The following TMCC3 variants were observed in gnomAD, a reference collection of about 807,000 sequenced individuals.
The protein encoded by TMCC3 is transmembrane and coiled-coil domain family 3, also known as transmembrane and coiled-coil domain protein 3.
Under a neutral mutation model 40.2 loss-of-function variants are expected in TMCC3, and 28 were observed. The observed-to-expected ratio is 0.70, with a 90% CI of 0.52 to 0.95. The LOEUF (loss-of-function observed/expected upper bound fraction) is 0.95, where lower values mean the gene tolerates loss of function less well. Among genes scored for constraint, TMCC3 ranks in the 40% least tolerant of loss-of-function variants. The pLI, the probability that TMCC3 is intolerant of heterozygous loss-of-function variation, is 0.00. For missense variants in TMCC3, 554 were observed against 615.2 expected (o/e 0.90, Z 1.05); for synonymous variants, 255 against 248.5 (o/e 1.03, Z -0.25).
At chr12:94,631,303 A>T (rs985662818) in intron 1 of TMCC3, among the ~76,000 whole-genome samples, 1 of 152,136 alleles carries the variant, frequency 6.6e-6, no homozygotes, top group African/African-American at 2.4e-5. Flanking sequence ...TACTCTTAAA[A>T]ATTCATACTG....
At chr12:94,594,571 G>C (rs1429686812) in intron 1 of TMCC3, among the ~76,000 whole-genome samples, 1 of 152,156 alleles carries the variant, frequency 6.6e-6, no homozygotes, top group Non-Finnish European at 1.5e-5. Context: ...GTTTCTGGCA[G>C]TGTCTGTCAG....
At chr12:94,590,358 C>T (rs558613036) in intron 1 of TMCC3, among the ~76,000 whole-genome samples, 1 of 145,660 alleles carries the variant, frequency 6.9e-6, no homozygotes, top group African/African-American at 2.5e-5. Context: ...CACTTTGTTC[C>T]ATATTCTAAA....
At chr12:94,632,056 G>C (rs575816598) in intron 1 of TMCC3, among the ~76,000 whole-genome samples, 4 of 152,332 alleles carry the variant, frequency 2.6e-5, no homozygotes, top group Admixed American at 2.0e-4. Context: ...ACTCAAAAAG[G>C]CTGCGTATCA....
intron 1 of TMCC3, among the ~76,000 whole-genome samples, chr12:94,593,503 T>C (rs1423069821): frequency 6.6e-6 from 1 of 150,846 alleles, no homozygotes; most frequent in Non-Finnish European, 1.5e-5. Context: ...GCTGGTAAAG[T>C]AAAATCTCGT....
intron 2 of TMCC3, among the ~76,000 whole-genome samples, chr12:94,580,990 C>A (rs527448669): frequency 9.2e-5 from 14 of 152,282 alleles, no homozygotes; most frequent in Admixed American, 5.2e-4. Context: ...CTCTAATTGT[C>A]AGCTAAAAGC....
At position 94,571,850 on chromosome 12, in the gene TMCC3, G is replaced by A. The variant is rs529876893; in HGVS notation, c.1132-113C>T. 49 of 1,085,918 alleles carry A rather than the reference G, an allele frequency of 4.5e-5. No individual in the cohort carries two copies. The Admixed American group carries it at 5.9e-4, about 13-fold the overall frequency. The allele number at this position is 1,085,918 out of a possible 1,614,324, so 67.3% of individuals were successfully genotyped here. On this transcript the variant is annotated intron_variant, in intron 3 of 3. Coordinates refer to ENST00000261226, the MANE Select transcript of TMCC3 (RefSeq NM_020698.4). ...AGCTCAGAAAGCCCAATGCCCAGGC[G>A]GCTGCAAATCCCCAAACCGATGATG... is the stretch of plus-strand genomic sequence containing the variant.
At chr12:94,610,061 A>G (rs938768581) in intron 1 of TMCC3, 2 of 152,210 alleles carry the variant, frequency 1.3e-5, no homozygotes, top group Middle Eastern at 3.2e-3. Context: ...AAAGGGAAGG[A>G]AAAGAGTGTT....
intron 1 of TMCC3, among the ~76,000 whole-genome samples, chr12:94,645,194 A>G (rs542949497): frequency 6.6e-6 from 1 of 152,370 alleles, no homozygotes; most frequent in East Asian, 1.9e-4. Context: ...TCTTGCTCTC[A>G]AAGTGCCAAT....
intron 2 of TMCC3, among the ~76,000 whole-genome samples, chr12:94,581,040 T>C (rs1005738508): frequency 3.3e-5 from 5 of 152,234 alleles, no homozygotes; most frequent in Non-Finnish European, 5.9e-5. Context: ...ATGGAAATTA[T>C]TGGGTATCCC....
intron 1 of TMCC3, among the ~76,000 whole-genome samples, chr12:94,621,859 C>T (rs1288478259): frequency 6.6e-6 from 1 of 152,168 alleles, no homozygotes. Context: ...TTAATAAAGC[C>T]TGAACCCAGG....
chr12:94,604,375 C>T (rs2068769927), intron 1 of TMCC3, among the ~76,000 whole-genome samples: 1 of 152,096 alleles, frequency 6.6e-6, no homozygotes, highest in Non-Finnish European at 1.5e-5. Context: ...CCCTAAAATA[C>T]AGAATTGCTA....
intron 1 of TMCC3, among the ~76,000 whole-genome samples, chr12:94,621,511 A>G (rs1421932879): frequency 1.3e-5 from 2 of 152,222 alleles, no homozygotes; most frequent in Non-Finnish European, 2.9e-5. Flanking sequence ...CAAATTGTTA[A>G]GAGTGGATGG....
intron 1 of TMCC3, among the ~76,000 whole-genome samples, chr12:94,626,152 A>G (rs1365930191): frequency 1.3e-5 from 2 of 152,196 alleles, no homozygotes; most frequent in Non-Finnish European, 2.9e-5. Flanking sequence ...TAAAACCATC[A>G]GATCTTGTGA....
chr12:94,596,185 C>G (rs547718041), intron 1 of TMCC3, among the ~76,000 whole-genome samples: 1 of 152,164 alleles, frequency 6.6e-6, no homozygotes, highest in Non-Finnish European at 1.5e-5. Flanking sequence ...CTATGTATAG[C>G]CCCTAGGGTA....
intron 1 of TMCC3, among the ~76,000 whole-genome samples, chr12:94,597,117 T>TAAAAAAAAAAAAA (rs1265233755): frequency 3.8e-5 from 3 of 79,298 alleles, no homozygotes; most frequent in African/African-American, 1.5e-4. Flanking sequence ...CTGTCTCTAT[T>TAAAAAAAAAAAAA]AAAATACATA....
intron 1 of TMCC3, among the ~76,000 whole-genome samples, chr12:94,613,505 C>T (rs2068828660): frequency 6.6e-6 from 1 of 152,092 alleles, no homozygotes; most frequent in African/African-American, 2.4e-5. Context: ...AGAAGCAAAT[C>T]AAAGAACACA....
intron 1 of TMCC3, among the ~76,000 whole-genome samples, chr12:94,638,645 T>C (rs532510334): frequency 6.6e-6 from 1 of 152,346 alleles, no homozygotes; most frequent in Non-Finnish European, 1.5e-5. Flanking sequence ...TATTGTCAGA[T>C]AAATTAAATC....
At chr12:94,624,504 G>A (rs1327698693) in intron 1 of TMCC3, among the ~76,000 whole-genome samples, 2 of 151,910 alleles carry the variant, frequency 1.3e-5, no homozygotes, top group Non-Finnish European at 2.9e-5. Flanking sequence ...TCTGAGCTCA[G>A]GAGTTTGAGA....
intron 1 of TMCC3, among the ~76,000 whole-genome samples, chr12:94,605,892 A>G (rs2068779727): frequency 6.6e-6 from 1 of 152,212 alleles, no homozygotes. Flanking sequence ...AAGACATCCC[A>G]GATTCTCCTG....
Sources: allele counts gnomAD v4.1 joint callset (sites outside exome capture counted in the v4.1 genomes callset), GRCh38; gene constraint gnomAD v4.1.1; transcripts MANE v1.5; gene names NCBI Gene and HGNC (gene_info 2026-07-23, HGNC 2026-07-21).